The following MTSS1 variants were observed in gnomAD, a reference collection of about 807,000 sequenced individuals.
MTSS1 encodes the protein protein MTSS 1.
In MTSS1, 18 loss-of-function variants were observed where a neutral mutation model predicts 79.0. That is an observed-to-expected ratio of 0.23 (90% CI 0.16 to 0.34). The LOEUF is 0.34. MTSS1 is among the 10% of genes least tolerant of loss of function. MTSS1 has a pLI of 1.00. For missense variants in MTSS1, 815 were observed against 986.2 expected (o/e 0.83, Z 2.33); for synonymous variants, 341 against 368.6 (o/e 0.93, Z 0.86).
chr8:124,557,448 C>T (rs1177243669), intron 11 of MTSS1, among the ~76,000 whole-genome samples: 1 of 152,192 alleles, frequency 6.6e-6, no homozygotes, highest in African/African-American at 2.4e-5. Context: ...GACCAAAGTC[C>T]CCTGAAGGAA....
chr8:124,594,393 T>C lies in MTSS1; in HGVS notation c.209-3158A>G, dbSNP rs181906069. On this transcript the variant is annotated intron_variant, in intron 3 of 13. Coordinates refer to ENST00000518547, the MANE Select transcript of MTSS1 (RefSeq NM_014751.6). ...TAAAAATACAAAAATCAGCCAGGTGTGGTGGCACATGCTTGTAATCCCACC... is the reference window on the plus strand; with the variant it reads ...TAAAAATACAAAAATCAGCCAGGTGCGGTGGCACATGCTTGTAATCCCACC... 4.3e-3 allele frequency among the ~76,000 whole-genome samples: 657 copies of C among 152,268 alleles called. 3 individuals carry two copies. The highest frequency in any genetic ancestry group is 0.015 in the African/African-American group (631 of 41,560).
At chr8:124,620,922 A>G (rs906810900) in intron 3 of MTSS1, among the ~76,000 whole-genome samples, 1 of 152,242 alleles carries the variant, frequency 6.6e-6, no homozygotes, top group Non-Finnish European at 1.5e-5. Flanking sequence ...AGTTTCTTGC[A>G]TTAAACAGGA....
intron 6 of MTSS1, among the ~76,000 whole-genome samples, chr8:124,569,207 T>A (rs1163006630): frequency 1.3e-5 from 2 of 152,296 alleles, no homozygotes; most frequent in African/African-American, 4.8e-5. Flanking sequence ...GGCCCATGTT[T>A]AGGAATTATC....
chr8:124,696,851 C>CAA (rs35766199), intron 3 of MTSS1, among the ~76,000 whole-genome samples: 7 of 129,170 alleles, frequency 5.4e-5, no homozygotes, highest in East Asian at 2.3e-4. Flanking sequence ...GAGTCCGTCT[C>CAA]AAAAAAAAAA....
intron 3 of MTSS1, among the ~76,000 whole-genome samples, chr8:124,601,044 AG>A (rs1242540260): frequency 7.0e-6 from 1 of 142,932 alleles, no homozygotes; most frequent in Non-Finnish European, 1.5e-5. Flanking sequence ...CCTTGACCCT[AG>A]GTTTCCCTTG....
chr8:124,720,124 G>A (rs1323860302), intron 1 of MTSS1, among the ~76,000 whole-genome samples: 1 of 152,198 alleles, frequency 6.6e-6, no homozygotes, highest in Non-Finnish European at 1.5e-5. Flanking sequence ...ACTGTCTAAT[G>A]GGGCCTAAGG....
chr8:124,554,576 C>G (rs1823175993), intron 13 of MTSS1, among the ~76,000 whole-genome samples: 1 of 152,190 alleles, frequency 6.6e-6, no homozygotes, highest in Non-Finnish European at 1.5e-5. Context: ...TTCATCTTGC[C>G]TGACTTGTGT....
intron 3 of MTSS1, among the ~76,000 whole-genome samples, chr8:124,694,498 T>G (rs182748480): frequency 3.3e-5 from 5 of 152,028 alleles, no homozygotes; most frequent in African/African-American, 1.2e-4. Flanking sequence ...TTTGTTACCC[T>G]AAAAAGTAGG....
intron 3 of MTSS1, among the ~76,000 whole-genome samples, chr8:124,688,299 T>A (rs370016595): frequency 6.6e-6 from 1 of 151,752 alleles, no homozygotes; most frequent in East Asian, 1.9e-4. Flanking sequence ...ACGTGTATGT[T>A]GTGAATGTAT....
chr8:124,641,514 C>A (rs564995211), intron 3 of MTSS1, among the ~76,000 whole-genome samples: 1 of 152,276 alleles, frequency 6.6e-6, no homozygotes, highest in East Asian at 1.9e-4. Flanking sequence ...TGGAAAGTGC[C>A]CAGCCCAGGC....
At chr8:124,614,684 G>A (rs1836515459) in intron 3 of MTSS1, among the ~76,000 whole-genome samples, 2 of 152,222 alleles carry the variant, frequency 1.3e-5, no homozygotes, top group Admixed American at 1.3e-4. Context: ...AGATGCTACT[G>A]AACCTGACCA....
chr8:124,670,371 G>A (rs1047632397), intron 3 of MTSS1, among the ~76,000 whole-genome samples: 8 of 137,600 alleles, frequency 5.8e-5, no homozygotes, highest in African/African-American at 1.6e-4. Flanking sequence ...ACACTCAGGC[G>A]GGCGGCACCC....
intron 3 of MTSS1, among the ~76,000 whole-genome samples, chr8:124,629,025 T>C (rs1815310293): frequency 6.6e-6 from 1 of 152,186 alleles, no homozygotes; most frequent in African/African-American, 2.4e-5. Flanking sequence ...GAGTTAATCA[T>C]GAGAGCTCAC....
intron 3 of MTSS1, among the ~76,000 whole-genome samples, chr8:124,644,538 A>G (rs1252713107): frequency 2.0e-5 from 3 of 152,264 alleles, no homozygotes; most frequent in African/African-American, 2.4e-5. Context: ...AACATAATTA[A>G]TCTTTTCACC....
intron 3 of MTSS1, among the ~76,000 whole-genome samples, chr8:124,685,654 G>A (rs866411990): frequency 6.6e-6 from 1 of 151,672 alleles, no homozygotes; most frequent in Non-Finnish European, 1.5e-5. Context: ...ATGTACTGGG[G>A]AGACAGCCAA....
intron 3 of MTSS1, among the ~76,000 whole-genome samples, chr8:124,655,099 G>A (rs762779264): frequency 3.2e-4 from 48 of 152,200 alleles, no homozygotes; most frequent in Admixed American, 2.0e-4. Context: ...AGCAGAACAC[G>A]GATTGGAAAA....
At chr8:124,630,142 T>G (rs1205446829) in intron 3 of MTSS1, among the ~76,000 whole-genome samples, 1 of 152,230 alleles carries the variant, frequency 6.6e-6, no homozygotes, top group African/African-American at 2.4e-5. Context: ...GAGAGTTAAC[T>G]TCCCTCTACC....
chr8:124,642,276 T>C (rs1030390271), intron 3 of MTSS1, among the ~76,000 whole-genome samples: 4 of 152,238 alleles, frequency 2.6e-5, no homozygotes, highest in Non-Finnish European at 4.4e-5. Context: ...GATAAAGCTT[T>C]CACTCACTGT....
chr8:124,580,281 C>T, intron 6 of MTSS1: 1 of 406,098 alleles, frequency 2.5e-6, no homozygotes, highest in Non-Finnish European at 4.5e-6. Context: ...TTTCTTTTTT[C>T]CATGAGTCTA....
Sources: gnomAD v4.1 joint callset for allele counts (sites outside exome capture counted in the v4.1 genomes callset) on GRCh38, gnomAD v4.1.1 for gene constraint, MANE v1.5 for transcripts, NCBI Gene and HGNC (gene_info 2026-07-23, HGNC 2026-07-21) for gene names.